ZNF532: variants seen among roughly 807,000 people sequenced by gnomAD.
The protein encoded by ZNF532 is zinc finger protein 532.
Under a neutral mutation model 89.3 loss-of-function variants are expected in ZNF532, and 22 were observed. The observed-to-expected ratio is 0.25, with a 90% CI of 0.18 to 0.35. The LOEUF (loss-of-function observed/expected upper bound fraction) is 0.35, where lower values mean the gene tolerates loss of function less well. ZNF532 is among the 10% of genes least tolerant of loss of function. ZNF532 has a pLI of 1.00. For synonymous variants in ZNF532, 606 were observed against 649.6 expected, an observed-to-expected ratio of 0.93 and a Z score of 1.02; for missense variants, 1,132 against 1,643.4, an observed-to-expected ratio of 0.69 and a Z score of 5.38.
chr18:58,975,032 A>G (rs1463188994), intron 7 of ZNF532, among the ~76,000 whole-genome samples: 1 of 152,232 alleles, frequency 6.6e-6, no homozygotes, highest in Non-Finnish European at 1.5e-5. Context: ...GTTGCATTAC[A>G]GCAGAAACGG....
At chr18:58,888,837 TAA>T (rs2058618274) in intron 2 of ZNF532, among the ~76,000 whole-genome samples, 1 of 49,462 alleles carries the variant, frequency 2.0e-5, no homozygotes, top group South Asian at 6.3e-4. Context: ...ATTATATATA[TAA>T]TTTATATATA....
In ZNF532 at chr18:58,918,871, T is replaced by C; in HGVS notation, c.584T>C (p.Val195Ala). Reference sequence around the variant, plus strand: ...ACTGGACTCTCTACGTCAGGCAATGTGGAGAAAAACAAAGCTGTTAAGAGA... The same window carrying C: ...ACTGGACTCTCTACGTCAGGCAATGCGGAGAAAAACAAAGCTGTTAAGAGA... ...SKTGLSTSGN[V>A]EKNKAVKRET... The change falls in exon 3 of 10, where the codon GTG becomes GCG. Residue 195 changes from valine to alanine, a missense_variant. By Grantham distance (64) the Val-to-Ala change is moderately conservative (BLOSUM62 0). Transcript: ENST00000591808. 3 of 1,614,028 alleles carry C rather than the reference T, an allele frequency of 1.9e-6. No homozygotes were observed. Among genetic ancestry groups the C allele is most frequent in the Non-Finnish European group, 2.5e-6 (3 of 1,180,002 alleles).
intron 3 of ZNF532, among the ~76,000 whole-genome samples, chr18:58,929,078 A>G (rs1389993172): frequency 7.2e-5 from 11 of 152,196 alleles, no homozygotes; most frequent in Non-Finnish European, 1.5e-4. Flanking sequence ...CTTTTATTTT[A>G]CAATTGAAAA....
At chr18:58,915,106 A>C (rs750057677) in intron 2 of ZNF532, among the ~76,000 whole-genome samples, 3 of 152,334 alleles carry the variant, frequency 2.0e-5, no homozygotes, top group Non-Finnish European at 2.9e-5. Context: ...GTGGGTATGA[A>C]AAACATTCCT....
Position 58,912,622 on chromosome 18 carries a change from G to A in ZNF532, c.-17-5649G>A, listed in dbSNP as rs143865160. ...TAGACCTGCAAGGTGCTCTGGGCTG[G>A]CTGTCTCGACTTAATCAGGGTCTGA... On this transcript the variant is annotated intron_variant, in intron 2 of 9. Transcript: ENST00000591808. 2.7e-3 allele frequency among the ~76,000 whole-genome samples: 407 copies of A among 152,252 alleles called. 3 individuals are homozygous for A. The Middle Eastern group carries it at 0.044, about 17-fold the overall frequency.
chr18:58,983,218 C>T (rs2068031010), intron 9 of ZNF532, among the ~76,000 whole-genome samples: 2 of 152,090 alleles, frequency 1.3e-5, no homozygotes, highest in South Asian at 4.2e-4. Flanking sequence ...AGAGGAGGGG[C>T]ACGTTGGCTT....
At chr18:58,950,716 T>G (rs191291148) in intron 6 of ZNF532, among the ~76,000 whole-genome samples, 1 of 152,232 alleles carries the variant, frequency 6.6e-6, no homozygotes, top group East Asian at 1.9e-4. Context: ...TTTAAACTTT[T>G]GAGTTACAGA....
rs79916260 is a variant in ZNF532, at chr18:58,895,708, C to T, written c.-17-22563C>T. The stretch of plus-strand genomic sequence containing the variant: ...ACAGAAATGGGCAAAGGCTAAAAAT[C>T]GGGGCTCCCCACCCCTCACACTCCT... On this transcript the variant is annotated intron_variant, in intron 2 of 9. Coordinates refer to ENST00000591808, the MANE Select transcript of ZNF532 (RefSeq NM_001375912.1). Among the ~76,000 whole-genome samples the T allele has an allele frequency of 4.9e-3, 739 of 152,258 alleles. 6 individuals are homozygous for T. The highest frequency in any genetic ancestry group is 0.016 in the African/African-American group (670 of 41,568).
At chr18:58,913,018 G>A (rs902445501) in intron 2 of ZNF532, among the ~76,000 whole-genome samples, 4 of 152,172 alleles carry the variant, frequency 2.6e-5, no homozygotes, top group Admixed American at 2.0e-4. Flanking sequence ...TAGCTGAACC[G>A]ATTTGGTGTT....
At chr18:58,930,507 A>G (rs567771720) in intron 3 of ZNF532, among the ~76,000 whole-genome samples, 5 of 152,174 alleles carry the variant, frequency 3.3e-5, no homozygotes, top group African/African-American at 9.6e-5. Flanking sequence ...GCGTGCCTGC[A>G]GTCCCAGCTA....
chr18:58,913,107 C>G (rs1209772684), intron 2 of ZNF532, among the ~76,000 whole-genome samples: 2 of 152,080 alleles, frequency 1.3e-5, no homozygotes, highest in Non-Finnish European at 2.9e-5. Context: ...GGCAGAAGAT[C>G]AGTTGGAAGA....
chr18:58,899,354 C>T (rs999185031), intron 2 of ZNF532, among the ~76,000 whole-genome samples: 5 of 152,178 alleles, frequency 3.3e-5, no homozygotes, highest in African/African-American at 9.7e-5. Flanking sequence ...TTTCTGGCAG[C>T]CTAATGAGGC....
At chr18:58,970,222 G>C (rs1166145734) in intron 7 of ZNF532, among the ~76,000 whole-genome samples, 1 of 151,988 alleles carries the variant, frequency 6.6e-6, no homozygotes, top group Non-Finnish European at 1.5e-5. Flanking sequence ...ATTATACGGG[G>C]AAAAAAATCT....
chr18:58,981,141 A>G (rs1603351834), intron 8 of ZNF532: 2 of 280,284 alleles, frequency 7.1e-6, no homozygotes, highest in East Asian at 1.0e-4. Flanking sequence ...GGCAGAGGAC[A>G]GGGATAATTA....
intron 2 of ZNF532, among the ~76,000 whole-genome samples, chr18:58,879,153 C>T (rs970310788): frequency 3.9e-5 from 6 of 152,298 alleles, no homozygotes; most frequent in African/African-American, 7.2e-5. Context: ...GCACGCCCGG[C>T]GGGGCCTGCT....
intron 2 of ZNF532, among the ~76,000 whole-genome samples, chr18:58,916,943 A>G (rs1410181738): frequency 6.6e-6 from 1 of 152,218 alleles, no homozygotes; most frequent in Non-Finnish European, 1.5e-5. Context: ...AGGGACCACT[A>G]AAGCAGATTC....
chr18:58,884,088 T>TA (rs2058112213), intron 2 of ZNF532, among the ~76,000 whole-genome samples: 1 of 152,210 alleles, frequency 6.6e-6, no homozygotes, highest in African/African-American at 2.4e-5. Flanking sequence ...GCTTAAAATT[T>TA]AAAAACTTGG....
intron 6 of ZNF532, among the ~76,000 whole-genome samples, chr18:58,952,678 T>C (rs2064331168): frequency 6.6e-6 from 1 of 152,242 alleles, no homozygotes; most frequent in Non-Finnish European, 1.5e-5. Context: ...AGTGTTGGAA[T>C]TATAGGCGTG....
At chr18:58,937,338 T>C (rs545052292) in intron 4 of ZNF532, among the ~76,000 whole-genome samples, 19 of 152,300 alleles carry the variant, frequency 1.2e-4, no homozygotes, top group African/African-American at 4.1e-4. Context: ...GAAATGCCTC[T>C]TCTTCCTGTA....
Sources: allele counts gnomAD v4.1 joint callset (sites outside exome capture counted in the v4.1 genomes callset), GRCh38; gene constraint gnomAD v4.1.1; transcripts MANE v1.5; gene names NCBI Gene and HGNC (gene_info 2026-07-23, HGNC 2026-07-21).